Variants in OR51E1 observed in about 807,000 individuals in gnomAD.
The protein encoded by OR51E1 is olfactory receptor family 51 subfamily E member 1.
In OR51E1, 9 loss-of-function variants were observed where a neutral mutation model predicts 11.5. That is an observed-to-expected ratio of 0.78 (90% CI 0.47 to 1.37). The LOEUF (loss-of-function observed/expected upper bound fraction) is 1.37, where lower values mean the gene tolerates loss of function less well. Ranked by LOEUF, OR51E1 falls within the 40% of genes most tolerant of loss-of-function variation. The probability of loss-of-function intolerance (pLI) is 0.00; values close to 1 mark genes in which losing one functional copy is unlikely to be tolerated. For missense variants in OR51E1, 397 were observed against 410.2 expected (o/e 0.97, Z 0.28); for synonymous variants, 168 against 158.3 (o/e 1.06, Z -0.46).
At chr11:4,646,401 G>C (rs769955432) in intron 1 of OR51E1, among the ~76,000 whole-genome samples, 6 of 152,170 alleles carry the variant, frequency 3.9e-5, no homozygotes, top group Non-Finnish European at 5.9e-5. Flanking sequence ...TATTGAAATA[G>C]TGCTTACAAA....
intron 1 of OR51E1, among the ~76,000 whole-genome samples, chr11:4,651,706 G>C (rs1505199): frequency 1 from 151,941 of 152,306 alleles, 75,790 homozygotes; most frequent in Middle Eastern, 1. Context: ...GCTGGGATAC[G>C]AACGGTATCC....
At position 4,653,104 on chromosome 11, in the gene OR51E1, A is replaced by G. The variant is rs775313508; in HGVS notation, c.578A>G (p.Asp193Gly). ...CAAGATGTCATGAAGCTGGCCTGTG[A>G]TGATATCCGGGTCAATGTCGTCTAT... The part of the protein sequence containing the change: ...LHQDVMKLAC[D>G]DIRVNVVYGL... The change falls in exon 2 of 2, where the codon GAT becomes GGT. Residue 193 changes from aspartate to glycine, a missense_variant. Physicochemically the swap from Asp to Gly is moderately conservative, Grantham distance 94. Transcript: ENST00000396952. 2.5e-6 allele frequency: 4 copies of G among 1,613,704 alleles called. No homozygotes were observed. The highest frequency in any genetic ancestry group is 4.5e-5 in the East Asian group (2 of 44,882).
chr11:4,649,713 G>A (rs1847071126), intron 1 of OR51E1, among the ~76,000 whole-genome samples: 2 of 152,166 alleles, frequency 1.3e-5, no homozygotes, highest in Non-Finnish European at 2.9e-5. Context: ...AGAGAACCTG[G>A]CTTGTATGAT....
chr11:4,647,883 G>T (rs1847048291), intron 1 of OR51E1, among the ~76,000 whole-genome samples: 1 of 151,970 alleles, frequency 6.6e-6, no homozygotes, highest in South Asian at 2.1e-4. Flanking sequence ...TCTTGATTGT[G>T]CCTTATTTTC....
chr11:4,648,148 T>A (rs1847051456), intron 1 of OR51E1, among the ~76,000 whole-genome samples: 1 of 152,246 alleles, frequency 6.6e-6, no homozygotes, highest in Admixed American at 6.5e-5. Flanking sequence ...GCTGATATTT[T>A]AGCCCCAGCG....
chr11:4,652,959 A>G lies in OR51E1; in HGVS notation c.433A>G (p.Thr145Ala). The change falls in exon 2 of 2, where the codon ACC becomes GCC. Residue 145 changes from threonine (T) to alanine (A), a missense_variant. Coordinates refer to ENST00000396952, the MANE Select transcript of OR51E1 (RefSeq NM_152430.4). The part of the protein sequence containing the change: ...HATVLTLPRV[T>A]KIGVAAVVRG... ...CACAGTACTTACGTTGCCTCGTGTC[A>G]CCAAAATTGGTGTGGCTGCTGTGGT... The G allele has an allele frequency of 6.2e-7, 1 of 1,605,962 alleles. No individual in the cohort carries two copies. Among genetic ancestry groups the G allele is most frequent in the East Asian group, 2.2e-5 (1 of 44,794 alleles).
chr11:4,647,428 C>T (rs775629373), intron 1 of OR51E1, among the ~76,000 whole-genome samples: 2 of 152,136 alleles, frequency 1.3e-5, no homozygotes, highest in African/African-American at 2.4e-5. Flanking sequence ...CATTGGGATG[C>T]TTCAGGGCTG....
intron 1 of OR51E1, among the ~76,000 whole-genome samples, chr11:4,647,004 G>C (rs994441421): frequency 1.3e-5 from 2 of 152,160 alleles, no homozygotes; most frequent in African/African-American, 4.8e-5. Flanking sequence ...ATAATATAGA[G>C]AGGATCCATG....
At chr11:4,646,634 C>T (rs1049897257) in intron 1 of OR51E1, among the ~76,000 whole-genome samples, 9 of 152,112 alleles carry the variant, frequency 5.9e-5, no homozygotes, top group Admixed American at 5.2e-4. Context: ...TGGGGCCTAC[C>T]CACCTCACAG....
chr11:4,651,883 T>A (rs1379321693), intron 1 of OR51E1, among the ~76,000 whole-genome samples: 1 of 152,210 alleles, frequency 6.6e-6, no homozygotes, highest in East Asian at 1.9e-4. Context: ...GAATATGAAT[T>A]GTGACTTGAA....
In OR51E1 at chr11:4,655,160, C is replaced by T. The variant is rs868479396; in HGVS notation, c.*1677C>T. 1 of 167,074 alleles carries T rather than the reference C, an allele frequency of 6.0e-6. No homozygotes were observed. The highest frequency in any genetic ancestry group is 2.4e-5 in the African/African-American group (1 of 41,448). The allele number at this position is 167,074 out of a possible 1,614,324, so 10.3% of individuals were successfully genotyped here. ...CGGTTATTTTTCATCAAACCTGATTCCTTCTGTCCTGAACACATAGCCAGG... is the reference window on the plus strand; with the variant it reads ...CGGTTATTTTTCATCAAACCTGATTTCTTCTGTCCTGAACACATAGCCAGG... On this transcript the variant is annotated 3_prime_UTR_variant, in exon 2 of 2. Transcript: ENST00000396952.
intron 1 of OR51E1, among the ~76,000 whole-genome samples, chr11:4,650,543 T>C (rs4393308): frequency 0.073 from 11,054 of 152,232 alleles, 959 homozygotes; most frequent in East Asian, 0.23. Flanking sequence ...ATGCTCCCAT[T>C]GTTTTCCCAC....
In OR51E1 at chr11:4,653,091, A is replaced by T. The variant is rs1432659425; in HGVS notation, c.565A>T (p.Lys189Ter). The T allele has an allele frequency of 6.2e-7, 1 of 1,613,858 alleles. No individual in the cohort carries two copies. Among genetic ancestry groups the T allele is most frequent in the Non-Finnish European group, 8.5e-7 (1 of 1,179,902 alleles). The change falls in exon 2 of 2, where the codon AAG becomes TAG. Residue 189 changes from lysine to a stop codon, truncating the protein, a stop_gained. Coordinates refer to ENST00000396952, the MANE Select transcript of OR51E1 (RefSeq NM_152430.4). LOFTEE classifies it high-confidence loss of function. ...HSYCLHQDVM[K>*]LACDDIRVNV... ...CTACTGCCTACACCAAGATGTCATG[A>T]AGCTGGCCTGTGATGATATCCGGGT...
intron 1 of OR51E1, among the ~76,000 whole-genome samples, chr11:4,645,583 G>GA (rs1292795045): frequency 2.6e-5 from 4 of 152,144 alleles, no homozygotes; most frequent in Non-Finnish European, 5.9e-5. Flanking sequence ...AATGATTATT[G>GA]AAAAAATGAG....
Position 4,653,124 on chromosome 11 carries a change from G to A in OR51E1, c.598G>A (p.Val200Ile), listed in dbSNP as rs202077605. ...CTGTGATGATATCCGGGTCAATGTCGTCTATGGCCTTATCGTCATCATCTC... is the reference window on the plus strand; with the variant it reads ...CTGTGATGATATCCGGGTCAATGTCATCTATGGCCTTATCGTCATCATCTC... ...LACDDIRVNV[V>I]YGLIVIISAI... The change falls in exon 2 of 2, where the codon GTC becomes ATC. Residue 200 changes from valine to isoleucine, a missense_variant. Transcript: ENST00000396952. 86 of 1,613,664 alleles carry A rather than the reference G, an allele frequency of 5.3e-5. No individual in the cohort carries two copies. Among genetic ancestry groups the A allele is most frequent in the Admixed American group, 3.8e-4 (23 of 60,018 alleles).
At chr11:4,649,030 T>A (rs1022868827) in intron 1 of OR51E1, among the ~76,000 whole-genome samples, 4 of 152,196 alleles carry the variant, frequency 2.6e-5, no homozygotes, top group African/African-American at 7.2e-5. Flanking sequence ...AACTATGCCC[T>A]TGGCTGTGTT....
intron 1 of OR51E1, among the ~76,000 whole-genome samples, chr11:4,648,483 C>T (rs558610730): frequency 1.3e-5 from 2 of 152,220 alleles, no homozygotes; most frequent in Non-Finnish European, 2.9e-5. Flanking sequence ...AATTTCACAG[C>T]AGCACTATGC....
At position 4,649,540 on chromosome 11, in the gene OR51E1, G is replaced by T. The variant is rs79825503; in HGVS notation, c.-39-2948G>T. On this transcript the variant is annotated intron_variant, in intron 1 of 1. Coordinates refer to ENST00000396952, the MANE Select transcript of OR51E1 (RefSeq NM_152430.4). ...ACCCAGGCCCGGATGATGAAAGTCA[G>T]ATCTTTAGCCATGTCATAAGAAGTT... is the stretch of plus-strand genomic sequence containing the variant. Among the ~76,000 whole-genome samples, 318 of 152,316 alleles carry T rather than the reference G, an allele frequency of 2.1e-3. 1 individual carries two copies. Among genetic ancestry groups the T allele is most frequent in the African/African-American group, 7.3e-3 (303 of 41,564 alleles).
At position 4,652,683 on chromosome 11, in the gene OR51E1, C is replaced by A; in HGVS notation, c.157C>A (p.Arg53=). The change falls in exon 2 of 2, where the codon CGG becomes AGG. Residue 53 remains arginine, a synonymous_variant. Transcript: ENST00000396952. The part of the protein sequence containing the change: ...LGNLTIIYIV[R]TEHSLHEPMY... ...TAACTTGACAATCATCTACATTGTG[C>A]GGACTGAGCACAGCCTGCATGAGCC... The A allele has an allele frequency of 3.7e-6, 6 of 1,614,024 alleles. No homozygotes were observed. The highest frequency in any genetic ancestry group is 1.1e-5 in the South Asian group (1 of 91,080).
Sources: allele counts gnomAD v4.1 joint callset (sites outside exome capture counted in the v4.1 genomes callset), GRCh38; gene constraint gnomAD v4.1.1; transcripts MANE v1.5; gene names NCBI Gene and HGNC (gene_info 2026-07-23, HGNC 2026-07-21).